Variants in CNTNAP2 observed in about 807,000 individuals in gnomAD.
CNTNAP2 encodes the protein contactin associated protein 2.
A neutral mutation model predicts 155.2 loss-of-function variants in CNTNAP2; 98 were observed. The observed-to-expected ratio is 0.63, with a 90% CI of 0.54 to 0.75. CNTNAP2 has a LOEUF of 0.75. Ranked by LOEUF, CNTNAP2 falls within the 30% of genes least tolerant of loss-of-function variation. The pLI is 0.00. For missense variants in CNTNAP2, 1,727 were observed against 1,688.1 expected, an observed-to-expected ratio of 1.02 and a Z score of -0.40; for synonymous variants, 651 against 631.2, an observed-to-expected ratio of 1.03 and a Z score of -0.47.
At chr7:146,676,550 C>G (rs1272129591) in intron 1 of CNTNAP2, among the ~76,000 whole-genome samples, 2 of 151,784 alleles carry the variant, frequency 1.3e-5, no homozygotes, top group African/African-American at 4.8e-5. Context: ...GGGTACAGAT[C>G]CCATCACACA....
intron 1 of CNTNAP2, among the ~76,000 whole-genome samples, chr7:146,559,071 C>T (rs1798242114): frequency 6.6e-6 from 1 of 151,950 alleles, no homozygotes; most frequent in Non-Finnish European, 1.5e-5. Context: ...TTGAGTTGGG[C>T]AGGAGGAATA....
At chr7:146,277,959 G>A (rs1800190279) in intron 1 of CNTNAP2, among the ~76,000 whole-genome samples, 1 of 152,150 alleles carries the variant, frequency 6.6e-6, no homozygotes, top group Non-Finnish European at 1.5e-5. Flanking sequence ...TGAAAGCAGA[G>A]ATGCATAAAA....
intron 8 of CNTNAP2, among the ~76,000 whole-genome samples, chr7:147,265,148 A>G (rs1242835311): frequency 6.6e-6 from 1 of 152,196 alleles, no homozygotes; most frequent in Non-Finnish European, 1.5e-5. Context: ...GGCTGTGGGT[A>G]CCCAGAAGAT....
rs141021048 is a variant in CNTNAP2, at chr7:148,125,235, T to G, written c.2554+6947T>G. On this transcript the variant is annotated intron_variant, in intron 16 of 23. Coordinates refer to ENST00000361727, the MANE Select transcript of CNTNAP2 (RefSeq NM_014141.6). ...TAATCTTAATCTCTCTCTGTCTCTT[T>G]CTCTCTTTCTCTCTCTCTCCCTCTC... Among the ~76,000 whole-genome samples the G allele has an allele frequency of 4.8e-3, 728 of 152,174 alleles. 7 individuals are homozygous for G. Among genetic ancestry groups the G allele is most frequent in the African/African-American group, 0.017 (687 of 41,518 alleles).
At chr7:147,803,892 C>G (rs1242806697) in intron 13 of CNTNAP2, among the ~76,000 whole-genome samples, 1 of 152,208 alleles carries the variant, frequency 6.6e-6, no homozygotes, top group Admixed American at 6.5e-5. Flanking sequence ...CCAATTTATT[C>G]TCCCTATTGC....
chr7:147,716,299 G>A (rs1171794737), intron 13 of CNTNAP2, among the ~76,000 whole-genome samples: 1 of 152,052 alleles, frequency 6.6e-6, no homozygotes, highest in Non-Finnish European at 1.5e-5. Flanking sequence ...TTTAATAAGC[G>A]AAAGAAAGAT....
rs1278471926 is a variant in CNTNAP2, at chr7:146,189,516, G to C, written c.97+72543G>C. Among the ~76,000 whole-genome samples, 6 of 152,142 alleles carry C rather than the reference G, an allele frequency of 3.9e-5. No homozygotes were observed. The East Asian group carries it at 1.2e-3, about 29-fold the overall frequency. ...AAAGCTAAAAGTATTAGTAGTTTAAGACTAATGGGGCATCTTAGAGAAACA... is the reference window on the plus strand; with the variant it reads ...AAAGCTAAAAGTATTAGTAGTTTAACACTAATGGGGCATCTTAGAGAAACA... On this transcript the variant is annotated intron_variant, in intron 1 of 23. Transcript: ENST00000361727.
At chr7:147,326,061 G>A (rs117165113) in intron 9 of CNTNAP2, among the ~76,000 whole-genome samples, 7,080 of 149,634 alleles carry the variant, frequency 0.047, 211 homozygotes, top group African/African-American at 0.08. Context: ...TAGCTGGGAC[G>A]ACAAGCGCAC....
chr7:147,107,272 A>T lies in CNTNAP2; in HGVS notation c.551-875A>T, dbSNP rs114750656. Among the ~76,000 whole-genome samples the T allele has an allele frequency of 2.4e-3, 365 of 152,248 alleles. 4 individuals are homozygous for T. The highest frequency in any genetic ancestry group is 7.9e-3 in the African/African-American group (328 of 41,560). Reference sequence around the variant, plus strand: ...AGTGCCTAATAAATAATATCATCTCATTTTTATTTCTGGTGTGAAATAAAT... The same window carrying T: ...AGTGCCTAATAAATAATATCATCTCTTTTTTATTTCTGGTGTGAAATAAAT... On this transcript the variant is annotated intron_variant, in intron 4 of 23. Coordinates refer to ENST00000361727, the MANE Select transcript of CNTNAP2 (RefSeq NM_014141.6).
At chr7:147,054,088 G>A (rs1278880404) in intron 4 of CNTNAP2, among the ~76,000 whole-genome samples, 3 of 151,982 alleles carry the variant, frequency 2.0e-5, no homozygotes, top group Non-Finnish European at 4.4e-5. Context: ...TCTCTCCTCT[G>A]GTTCATTCTT....
intron 20 of CNTNAP2, among the ~76,000 whole-genome samples, chr7:148,253,512 G>A (rs530772965): frequency 3.9e-5 from 6 of 152,164 alleles, no homozygotes; most frequent in Non-Finnish European, 8.8e-5. Flanking sequence ...AGCCCAGCTG[G>A]GAACATCTGC....
chr7:146,310,738 G>A (rs779239875), intron 1 of CNTNAP2, among the ~76,000 whole-genome samples: 4 of 151,868 alleles, frequency 2.6e-5, no homozygotes, highest in Non-Finnish European at 5.9e-5. Flanking sequence ...TGATATTCAC[G>A]GTCTATCAAT....
intron 1 of CNTNAP2, among the ~76,000 whole-genome samples, chr7:146,359,918 A>G (rs986607198): frequency 2.3e-4 from 35 of 152,198 alleles, no homozygotes; most frequent in Admixed American, 2.2e-3. Flanking sequence ...AATCCAGAGT[A>G]AAGTATTGTG....
intron 15 of CNTNAP2, among the ~76,000 whole-genome samples, chr7:147,980,954 AAAG>A (rs1173618690): frequency 4.2e-4 from 60 of 143,456 alleles, no homozygotes; most frequent in African/African-American, 1.4e-3. Context: ...AAAAAAAAAA[AAAG>A]AATGTTCTCA....
chr7:148,061,377 AGACT>A (rs1472933237), intron 15 of CNTNAP2, among the ~76,000 whole-genome samples: 1 of 152,158 alleles, frequency 6.6e-6, no homozygotes, highest in Non-Finnish European at 1.5e-5. Flanking sequence ...TTTTTGAGAC[AGACT>A]GTCATTCTGT....
chr7:146,225,533 C>T (rs116552386), intron 1 of CNTNAP2, among the ~76,000 whole-genome samples: 1,698 of 152,220 alleles, frequency 0.011, 38 homozygotes, highest in African/African-American at 0.039. Context: ...CTTGGAAACC[C>T]GCAGAAACTG....
intron 13 of CNTNAP2, among the ~76,000 whole-genome samples, chr7:147,790,707 G>A (rs1380746884): frequency 1.3e-5 from 2 of 152,130 alleles, no homozygotes; most frequent in African/African-American, 4.8e-5. Flanking sequence ...CCATCTCATG[G>A]TTGACTGTAG....
chr7:147,165,407 T>C (rs1341044656), intron 8 of CNTNAP2, among the ~76,000 whole-genome samples: 1 of 152,200 alleles, frequency 6.6e-6, no homozygotes, highest in Non-Finnish European at 1.5e-5. Context: ...ATTAGTCCTT[T>C]GTCAGATGTA....
chr7:147,492,579 CAG>C (rs143109550), intron 11 of CNTNAP2, among the ~76,000 whole-genome samples: 16 of 152,266 alleles, frequency 1.1e-4, no homozygotes, highest in Non-Finnish European at 1.6e-4. Flanking sequence ...GGAAAACACT[CAG>C]GGTTTGAAAT....
Sources: allele counts gnomAD v4.1 joint callset (sites outside exome capture counted in the v4.1 genomes callset), GRCh38; gene constraint gnomAD v4.1.1; transcripts MANE v1.5; gene names NCBI Gene and HGNC (gene_info 2026-07-23, HGNC 2026-07-21).